Variants in ZNF679 observed in about 807,000 individuals in gnomAD.
The protein encoded by ZNF679 is hypothetical protein MGC42415.
Under a neutral mutation model 13.4 loss-of-function variants are expected in ZNF679, and 10 were observed. The ratio of observed to expected loss-of-function variants is 0.75; its 90% CI spans 0.46 to 1.27. ZNF679 has a LOEUF of 1.27. Among genes scored for constraint, ZNF679 ranks in the 50% most tolerant of loss-of-function variants. ZNF679 has a pLI of 0.00. For missense variants in ZNF679, 525 were observed against 477.8 expected, an observed-to-expected ratio of 1.10 and a Z score of -0.92; for synonymous variants, 179 against 162.5, an observed-to-expected ratio of 1.10 and a Z score of -0.77.
intron 1 of ZNF679, among the ~76,000 whole-genome samples, chr7:64,247,313 C>T (rs1185478846): frequency 6.6e-6 from 1 of 152,170 alleles, no homozygotes; most frequent in Non-Finnish European, 1.5e-5. Context: ...CCCCATTTCA[C>T]CCAGCACCTA....
intron 2 of ZNF679, among the ~76,000 whole-genome samples, chr7:64,253,490 G>C (rs10241481): frequency 2.0e-5 from 3 of 152,116 alleles, no homozygotes; most frequent in African/African-American, 7.2e-5. Flanking sequence ...GGACCCACAG[G>C]CAGATTCAGT....
At chr7:64,247,617 G>A (rs1004965904) in intron 1 of ZNF679, among the ~76,000 whole-genome samples, 5 of 152,022 alleles carry the variant, frequency 3.3e-5, no homozygotes, top group African/African-American at 4.8e-5. Context: ...GCGGTGGCAC[G>A]ATCTCGGCTC....
chr7:64,266,414 A>G lies in ZNF679; in HGVS notation c.781A>G (p.Ile261Val). 1 of 1,613,084 alleles carries G rather than the reference A, an allele frequency of 6.2e-7. No individual in the cohort carries two copies. The highest frequency in any genetic ancestry group is 8.5e-7 in the Non-Finnish European group (1 of 1,179,488). ...CTCAACCCTTACTAAACATAGGAGA[A>G]TTCATACTGGAGAAAAACCCTACAC... ...WSSTLTKHRRIHTGEKPYTCE... is the reference protein window; with the variant it reads ...WSSTLTKHRRVHTGEKPYTCE... Residue 261 changes from isoleucine (I) to valine (V), a missense_variant, in exon 5 of 5, where the codon ATT becomes GTT. Ile to Val is a conservative substitution (Grantham distance 29, BLOSUM62 3). Coordinates refer to ENST00000421025, the MANE Select transcript of ZNF679 (RefSeq NM_153363.3).
intron 4 of ZNF679, among the ~76,000 whole-genome samples, chr7:64,265,507 C>G (rs1289145617): frequency 6.6e-6 from 1 of 152,128 alleles, no homozygotes; most frequent in Non-Finnish European, 1.5e-5. Context: ...GACAGAAAGG[C>G]CTCCATAAGC....
rs1788143139 is a variant in ZNF679 at position 64,266,111 on chromosome 7, A to G, written c.478A>G (p.Lys160Glu). The change falls in exon 5 of 5, where the codon AAA (lysine) becomes GAA (glutamate). Residue 160 changes from lysine to glutamate, a missense_variant. Physicochemically the swap from Lys to Glu is moderately conservative, Grantham distance 56 (BLOSUM62 1). Transcript: ENST00000421025. ...CCAAAACAAAATATTTCAGACTCAT[A>G]AATGTGTCAAAGTCTTCGGCAAATT... ...TTQNKIFQTH[K>E]CVKVFGKFSN... The G allele has an allele frequency of 6.2e-7, 1 of 1,611,696 alleles. No homozygotes were observed. Among genetic ancestry groups the G allele is most frequent in the Non-Finnish European group, 8.5e-7 (1 of 1,178,674 alleles).
intron 1 of ZNF679, among the ~76,000 whole-genome samples, chr7:64,237,731 C>T (rs1787746118): frequency 6.6e-6 from 1 of 152,162 alleles, no homozygotes; most frequent in Admixed American, 6.5e-5. Context: ...GTGACGGGCA[C>T]CATGGGCCCA....
chr7:64,245,842 CT>C (rs991906243), intron 1 of ZNF679, among the ~76,000 whole-genome samples: 1 of 152,152 alleles, frequency 6.6e-6, no homozygotes, highest in African/African-American at 2.4e-5. Context: ...CTTGTCTCTA[CT>C]AAGAGTACAA....
At chr7:64,240,653 G>A (rs1384434265) in intron 1 of ZNF679, among the ~76,000 whole-genome samples, 1 of 152,178 alleles carries the variant, frequency 6.6e-6, no homozygotes, top group Non-Finnish European at 1.5e-5. Flanking sequence ...TCCAGACTTG[G>A]AATTGTGATT....
intron 1 of ZNF679, among the ~76,000 whole-genome samples, chr7:64,248,270 A>G (rs1416380599): frequency 2.0e-5 from 3 of 151,760 alleles, no homozygotes; most frequent in African/African-American, 7.3e-5. Flanking sequence ...CTCTGCCCGG[A>G]CATGTGGCAA....
At chr7:64,256,916 TTG>T (rs1788012350) in intron 2 of ZNF679, among the ~76,000 whole-genome samples, 1 of 152,156 alleles carries the variant, frequency 6.6e-6, no homozygotes. Context: ...CAGGCTGGTC[TTG>T]AACTCCTGAC....
intron 1 of ZNF679, among the ~76,000 whole-genome samples, chr7:64,234,657 G>A (rs957289657): frequency 6.6e-6 from 1 of 152,178 alleles, no homozygotes; most frequent in Non-Finnish European, 1.5e-5. Context: ...AAAGCATAGA[G>A]CCCAACGGAG....
At chr7:64,237,003 A>G (rs111725051) in intron 1 of ZNF679, among the ~76,000 whole-genome samples, 547 of 83,828 alleles carry the variant, frequency 6.5e-3, no homozygotes, top group Middle Eastern at 6.9e-3. Context: ...AAGAAAGAAA[A>G]AGAAAGAAAG....
At chr7:64,231,995 C>A (rs2116504957) in intron 1 of ZNF679, among the ~76,000 whole-genome samples, 1 of 152,292 alleles carries the variant, frequency 6.6e-6, no homozygotes, top group South Asian at 2.1e-4. Context: ...GGACAGGATC[C>A]ATACATAAGA....
intron 1 of ZNF679, among the ~76,000 whole-genome samples, chr7:64,236,967 A>AAGAAAGAAAG (rs1787731067): frequency 1.3e-4 from 3 of 23,996 alleles, no homozygotes; most frequent in Non-Finnish European, 3.1e-4. Context: ...GAAAGAAAGA[A>AAGAAAGAAAG]AGAAAGAAAA....
chr7:64,260,499 A>G (rs1339727029), intron 3 of ZNF679, among the ~76,000 whole-genome samples, 152 bp downstream of exon 3: 2 of 152,140 alleles, frequency 1.3e-5, no homozygotes. Flanking sequence ...AAATTCTTCA[A>G]GATGTTTTAT....
At chr7:64,229,983 G>A (rs1480985663) in intron 1 of ZNF679, among the ~76,000 whole-genome samples, 5 of 152,206 alleles carry the variant, frequency 3.3e-5, no homozygotes, top group African/African-American at 1.2e-4. Flanking sequence ...TCGCTTAAAT[G>A]TTGGGCCCAG....
Position 64,265,991 on chromosome 7 carries a change from CA to C in ZNF679, c.359del (p.His120LeufsTer6), listed in dbSNP as rs1788139433. On this transcript the variant is annotated frameshift_variant, in exon 5 of 5. Coordinates refer to ENST00000421025, the MANE Select transcript of ZNF679 (RefSeq NM_153363.3). LOFTEE classifies it low-confidence loss of function (END_TRUNC). ...VIPRRYGKSG[H>X]DNLQVKTCKS... ...ACCAAGAAGATATGGAAAAAGTGGA[CA>C]TGACAATTTACAAGTAAAAACATGT... is the stretch of plus-strand genomic sequence containing the variant. 3.1e-6 allele frequency: 5 copies of C among 1,613,644 alleles called. No individual in the cohort carries two copies. Among genetic ancestry groups the C allele is most frequent in the Non-Finnish European group, 4.2e-6 (5 of 1,179,784 alleles).
chr7:64,254,108 GTTTTA>G (rs1787973596), intron 2 of ZNF679, among the ~76,000 whole-genome samples: 1 of 150,470 alleles, frequency 6.6e-6, no homozygotes, highest in Admixed American at 6.7e-5. Flanking sequence ...ATTTTATTTT[GTTTTA>G]TTTTATTTTA....
At chr7:64,254,132 T>TG (rs1193172878) in intron 2 of ZNF679, among the ~76,000 whole-genome samples, 1 of 120,418 alleles carries the variant, frequency 8.3e-6, no homozygotes, top group East Asian at 6.0e-4. Context: ...TATTATTACT[T>TG]TTTTTTTTTT....
Sources: allele counts gnomAD v4.1 joint callset (sites outside exome capture counted in the v4.1 genomes callset), GRCh38; gene constraint gnomAD v4.1.1; transcripts MANE v1.5; gene names NCBI Gene and HGNC (gene_info 2026-07-23, HGNC 2026-07-21).